The following SCAF4 variants were observed in gnomAD, a reference collection of about 807,000 sequenced individuals.
SCAF4 encodes SR-related and CTD-associated factor 4.
In SCAF4, 25 loss-of-function variants were observed where a neutral mutation model predicts 129.8. The observed-to-expected ratio is 0.19, with a 90% CI of 0.14 to 0.27. SCAF4 has a LOEUF of 0.27. Ranked by LOEUF, SCAF4 falls within the 10% of genes least tolerant of loss-of-function variation. The pLI is 1.00. For missense variants in SCAF4, 1,246 were observed against 1,457.1 expected (o/e 0.86, Z 2.36); for synonymous variants, 551 against 497.7 (o/e 1.11, Z -1.43).
rs2050521719 is a variant in SCAF4 at position 31,701,135 on chromosome 21, T to C, written c.637A>G (p.Lys213Glu). The part of the protein sequence containing the change: ...QILQTFQQPP[K>E]PQSPALDNAV... The stretch of plus-strand genomic sequence containing the variant: ...TTGTCAAGGGCAGGAGACTGTGGTT[T>C]TGGAGGCTGTTGAAAAGTCTGAAGG... The change falls in exon 7 of 20, where the codon AAA becomes GAA. Residue 213 changes from lysine (K) to glutamate (E), a missense_variant. Coordinates refer to ENST00000286835, the MANE Select transcript of SCAF4 (RefSeq NM_020706.2). 1 of 1,603,580 alleles carries C rather than the reference T, an allele frequency of 6.2e-7. No homozygotes were observed. The highest frequency in any genetic ancestry group is 2.2e-5 in the East Asian group (1 of 44,694).
rs2050543083 is a variant in SCAF4 at position 31,701,938 on chromosome 21, T to TA, written c.458-21dup. 1 of 1,607,930 alleles carries TA rather than the reference T, an allele frequency of 6.2e-7. No homozygotes were observed. Among genetic ancestry groups the TA allele is most frequent in the African/African-American group, 1.3e-5 (1 of 74,546 alleles). On this transcript the variant is annotated intron_variant, in intron 5 of 19. Transcript: ENST00000286835. ...GTGAGCCTAAAAAAGAAAAGGGCAT[T>TA]AAGGCCTAAAAAAAAAGTTAACCTA...
intron 1 of SCAF4, among the ~76,000 whole-genome samples, chr21:31,722,065 C>T (rs1275989854): frequency 1.3e-5 from 2 of 152,106 alleles, no homozygotes; most frequent in Non-Finnish European, 2.9e-5. Context: ...ATATATCGCC[C>T]CCAAAATATT....
intron 19 of SCAF4, among the ~76,000 whole-genome samples, chr21:31,675,515 A>G (rs1157682714): frequency 6.6e-6 from 1 of 152,206 alleles, no homozygotes; most frequent in Non-Finnish European, 1.5e-5. Context: ...ATGTAGGAAC[A>G]CAGCTCTCTG....
chr21:31,681,591 C>T (rs1439089398), intron 19 of SCAF4, among the ~76,000 whole-genome samples: 1 of 152,094 alleles, frequency 6.6e-6, no homozygotes, highest in African/African-American at 2.4e-5. Flanking sequence ...TAGAATGTTA[C>T]CTTTAGCTTT....
Position 31,671,253 on chromosome 21 carries a change from G to T in SCAF4, c.*146C>A. 1.4e-6 allele frequency: 1 copy of T among 715,760 alleles called. No individual in the cohort carries two copies. Among genetic ancestry groups the T allele is most frequent in the Non-Finnish European group, 2.1e-6 (1 of 472,594 alleles). 44.3% of individuals were successfully genotyped at this position (715,760 alleles called of 1,614,324 possible). On this transcript the variant is annotated 3_prime_UTR_variant, in exon 20 of 20. Transcript: ENST00000286835. ...GTTATTTTGTGGCTATTTTTAAATA[G>T]AAGGGAAGCAATCAAATTGCTTACA... is the stretch of plus-strand genomic sequence containing the variant.
chr21:31,700,627 C>A (rs80169673), intron 7 of SCAF4: 1 of 271,488 alleles, frequency 3.7e-6, no homozygotes, highest in Admixed American at 5.1e-5. Context: ...TAAAGAAAAG[C>A]ATGTATCTGT....
chr21:31,730,853 A>G (rs2051333817), intron 1 of SCAF4, among the ~76,000 whole-genome samples: 1 of 152,190 alleles, frequency 6.6e-6, no homozygotes, highest in Non-Finnish European at 1.5e-5. Context: ...AGGTTTTCAC[A>G]TGTAAATGTC....
intron 1 of SCAF4, among the ~76,000 whole-genome samples, chr21:31,719,581 C>G (rs1332067116): frequency 1.3e-5 from 2 of 152,006 alleles, no homozygotes; most frequent in Non-Finnish European, 2.9e-5. Context: ...CTCAGCGCAC[C>G]ACAACCTCCG....
intron 14 of SCAF4, 104 bp downstream of exon 14, chr21:31,691,713 T>G: frequency 9.6e-6 from 4 of 418,732 alleles, no homozygotes; most frequent in East Asian, 7.4e-5. Context: ...AATGCCTCAG[T>G]GTTGAAAGTC....
At chr21:31,690,202 AG>A (rs1407197462) in intron 15 of SCAF4, among the ~76,000 whole-genome samples, 1 of 152,100 alleles carries the variant, frequency 6.6e-6, no homozygotes, top group East Asian at 1.9e-4. Context: ...ACCCAATACC[AG>A]GCCAGGTGCA....
At chr21:31,690,688 T>TA (rs1299286772) in intron 15 of SCAF4, 109 bp downstream of exon 15, 11 of 999,048 alleles carry the variant, frequency 1.1e-5, no homozygotes, top group South Asian at 1.8e-5. Flanking sequence ...GGAGGGATCC[T>TA]AAAAAATCTC....
chr21:31,676,814 A>T (rs1322250048), intron 19 of SCAF4, among the ~76,000 whole-genome samples: 2 of 152,164 alleles, frequency 1.3e-5, no homozygotes, highest in African/African-American at 4.8e-5. Flanking sequence ...TATTACCCTA[A>T]AAGGAAATCC....
At chr21:31,681,492 A>C (rs2049993717) in intron 19 of SCAF4, among the ~76,000 whole-genome samples, 1 of 152,210 alleles carries the variant, frequency 6.6e-6, no homozygotes, top group African/African-American at 2.4e-5. Flanking sequence ...GTTTTTGAAA[A>C]GTAAAACACA....
Position 31,693,360 on chromosome 21 carries a change from C to A in SCAF4, c.1447G>T (p.Asp483Tyr). 1.3e-6 allele frequency: 2 copies of A among 1,558,322 alleles called. No homozygotes were observed. The highest frequency in any genetic ancestry group is 1.8e-6 in the Non-Finnish European group (2 of 1,141,142). Residue 483 changes from aspartate (D) to tyrosine (Y), a missense_variant, in exon 12 of 20, where the codon GAT becomes TAT. This residue lies in a region of SCAF4 where 468 missense variants were observed against 605.5 expected (regional missense o/e 0.77). Transcript: ENST00000286835. Reference protein sequence around the residue: ...SPRSRSQERRDREKERERRQK... With the variant: ...SPRSRSQERRYREKERERRQK... The stretch of plus-strand genomic sequence containing the variant: ...CGACGTTCTCTCTCTTTTTCTCGAT[C>A]CCGTCTTTCTTGAGATCGAGATCGG...
intron 1 of SCAF4, among the ~76,000 whole-genome samples, chr21:31,710,059 CTG>C (rs764111629): frequency 5.3e-5 from 8 of 152,044 alleles, no homozygotes; most frequent in Non-Finnish European, 7.4e-5. Flanking sequence ...AGGAAGGCAT[CTG>C]TGCCTGCCTG....
chr21:31,697,412 T>C (rs1187561939), intron 7 of SCAF4, among the ~76,000 whole-genome samples: 1 of 152,250 alleles, frequency 6.6e-6, no homozygotes, highest in African/African-American at 2.4e-5. Flanking sequence ...CTTAAATACC[T>C]ACTAATGTGT....
At chr21:31,676,562 G>A (rs180763454) in intron 19 of SCAF4, among the ~76,000 whole-genome samples, 4 of 152,266 alleles carry the variant, frequency 2.6e-5, no homozygotes, top group Non-Finnish European at 1.5e-5. Flanking sequence ...TACAACCCAA[G>A]TGGACCCTTC....
intron 6 of SCAF4, 117 bp from the exon 7 acceptor site, chr21:31,701,288 T>C (rs1425401637): frequency 6.0e-6 from 5 of 829,478 alleles, no homozygotes; most frequent in South Asian, 3.0e-5. Context: ...ACAGAACAAA[T>C]TGGGGAAAAA....
intron 1 of SCAF4, among the ~76,000 whole-genome samples, chr21:31,730,736 G>A (rs2051330287): frequency 6.6e-6 from 1 of 152,152 alleles, no homozygotes; most frequent in Non-Finnish European, 1.5e-5. Context: ...AATCGATTCT[G>A]ACAAATAGGA....
Sources: gnomAD v4.1 joint callset for allele counts (sites outside exome capture counted in the v4.1 genomes callset) on GRCh38, gnomAD v4.1.1 for gene constraint, gnomAD v4.1.1 regional missense constraint, MANE v1.5 for transcripts, NCBI Gene and HGNC (gene_info 2026-07-23, HGNC 2026-07-21) for gene names.